The following LIFR variants were observed in gnomAD, a reference collection of about 807,000 sequenced individuals.
LIFR encodes the protein leukemia inhibitory factor receptor.
Under a neutral mutation model 122.2 loss-of-function variants are expected in LIFR, and 84 were observed. The ratio of observed to expected loss-of-function variants is 0.69; its 90% CI spans 0.58 to 0.82. LIFR has a LOEUF of 0.82. Ranked by LOEUF, LIFR falls within the 40% of genes least tolerant of loss-of-function variation. LIFR has a pLI of 0.00. For synonymous variants in LIFR, 422 were observed against 434.7 expected, an observed-to-expected ratio of 0.97 and a Z score of 0.36; for missense variants, 1,294 against 1,311.6, an observed-to-expected ratio of 0.99 and a Z score of 0.21.
At chr5:38,528,981 GTT>G (rs1246932957) in intron 2 of LIFR, 141 bp from the exon 3 acceptor site, 120 of 492,622 alleles carry the variant, frequency 2.4e-4, no homozygotes, top group Middle Eastern at 5.7e-4. Flanking sequence ...GAGAGCCCAT[GTT>G]TTTTTTTTTT....
At chr5:38,605,566 G>C (rs1054775334) in intron 2 of LIFR, among the ~76,000 whole-genome samples, 1 of 152,136 alleles carries the variant, frequency 6.6e-6, no homozygotes, top group African/African-American at 2.4e-5. Flanking sequence ...AAATCACAAA[G>C]CCAAAGGGAA....
At chr5:38,505,402 ACACACAC>A (rs1745417344) in intron 9 of LIFR, among the ~76,000 whole-genome samples, 1 of 11,110 alleles carries the variant, frequency 9.0e-5, no homozygotes, top group African/African-American at 7.0e-4. Flanking sequence ...GCATAGAACT[ACACACAC>A]ACACACACAC....
rs1743660092 is a variant in LIFR, at chr5:38,474,921, G to A, written c.*6674C>T. 1.3e-5 allele frequency: 2 copies of A among 157,754 alleles called. No homozygotes were observed. The highest frequency in any genetic ancestry group is 2.8e-5 in the Non-Finnish European group (2 of 71,552). The allele number at this position is 157,754 out of a possible 1,614,324, so 9.8% of individuals were successfully genotyped here. A position where few individuals can be genotyped will look rare whatever the true frequency, so the allele number is the denominator to read the frequency against. On this transcript the variant is annotated 3_prime_UTR_variant, in exon 20 of 20. Coordinates refer to ENST00000453190, the MANE Select transcript of LIFR (RefSeq NM_001127671.2). ...AAGCAGAGCCACTTCTCCTAAGTGTGTAACATGGGGAAAAACCCAATAATG... is the reference window on the plus strand; with the variant it reads ...AAGCAGAGCCACTTCTCCTAAGTGTATAACATGGGGAAAAACCCAATAATG...
At chr5:38,565,154 A>G (rs1484949219) in intron 1 of LIFR, among the ~76,000 whole-genome samples, 1 of 152,024 alleles carries the variant, frequency 6.6e-6, no homozygotes, top group Non-Finnish European at 1.5e-5. Context: ...TTAATACTTT[A>G]TCTTTAGAAA....
At position 38,544,536 on chromosome 5, in the gene LIFR, C is replaced by T. The variant is rs138523601; in HGVS notation, c.-20+11798G>A. ...ACTCACTTCCTCAGGAAGGCCTCTA[C>T]TCATCACCTAGAAAGGGGGACAATT... On this transcript the variant is annotated intron_variant, in intron 1 of 19. Transcript: ENST00000453190. Among the ~76,000 whole-genome samples the T allele has an allele frequency of 7.1e-3, 1,086 of 152,256 alleles. 18 individuals are homozygous for T. The highest frequency in any genetic ancestry group is 0.034 in the Admixed American group (515 of 15,290).
chr5:38,547,404 G>C (rs775268913), intron 1 of LIFR, among the ~76,000 whole-genome samples: 7 of 152,164 alleles, frequency 4.6e-5, no homozygotes, highest in Non-Finnish European at 1.0e-4. Flanking sequence ...TGACTTTGCT[G>C]TTGGTTACAC....
upstream of LIFR, among the ~76,000 whole-genome samples, chr5:38,559,635 C>A (rs1196867312): frequency 6.6e-6 from 1 of 152,116 alleles, no homozygotes; most frequent in Non-Finnish European, 1.5e-5. Context: ...ATACAACGAG[C>A]CTTATCTCCA....
At position 38,602,287 on chromosome 5, in the gene LIFR, A is replaced by G. The variant is rs74961810; in HGVS notation, n.305+3918T>C. ...TCTTGACATATACTCCTCTTTCTCT[A>G]TGTAGGCTTATTTACAGACATTTTC... is the stretch of plus-strand genomic sequence containing the variant. On this transcript the variant is annotated intron_variant and non_coding_transcript_variant, in intron 2 of 3. Coordinates refer to the LIFR transcript ENST00000507786. Among the ~76,000 whole-genome samples the G allele has an allele frequency of 6.5e-3, 988 of 152,296 alleles. 11 individuals are homozygous for G. The highest frequency in any genetic ancestry group is 0.023 in the African/African-American group (942 of 41,568).
intron 1 of LIFR, among the ~76,000 whole-genome samples, chr5:38,552,450 T>C (rs1333855347): frequency 1.3e-5 from 2 of 152,170 alleles, no homozygotes; most frequent in African/African-American, 4.8e-5. Context: ...AGAATAAAAG[T>C]ACCTACATAT....
In LIFR at chr5:38,586,225, A is replaced by G. The variant is rs182660649; in HGVS notation, c.-20+9036T>C. On this transcript the variant is annotated intron_variant, in intron 1 of 19. Transcript: ENST00000263409. ...AAACATCGGCTCTGACCCATGACAT[A>G]GCAACATTATGGCCTCGTTCCTTTA... Among the ~76,000 whole-genome samples the G allele has an allele frequency of 9.8e-5, 15 of 152,312 alleles. No homozygotes were observed. The South Asian group carries it at 1.2e-3, about 13-fold the overall frequency.
At chr5:38,588,859 T>C (rs571751582) in intron 1 of LIFR, among the ~76,000 whole-genome samples, 1 of 152,288 alleles carries the variant, frequency 6.6e-6, no homozygotes, top group South Asian at 2.1e-4. Flanking sequence ...ACTCTGAGCT[T>C]TTCATTATTT....
At chr5:38,486,452 G>A (rs181884962) in intron 16 of LIFR, among the ~76,000 whole-genome samples, 1 of 152,272 alleles carries the variant, frequency 6.6e-6, no homozygotes, top group Admixed American at 6.5e-5. Flanking sequence ...TCAGTGTGAT[G>A]GGGACTCTCA....
Position 38,589,154 on chromosome 5 carries a change from C to T in LIFR, c.-20+6107G>A, listed in dbSNP as rs895883374. On this transcript the variant is annotated intron_variant, in intron 1 of 19. Transcript: ENST00000263409. ...CTGGGACTACAGGCTCCTGCCACCA[C>T]GCCCAGCTAATTTTTATTTTTTTTT... 4.6e-5 allele frequency among the ~76,000 whole-genome samples: 7 copies of T among 151,828 alleles called. 1 individual carries two copies. Among genetic ancestry groups the T allele is most frequent in the Non-Finnish European group, 7.4e-5 (5 of 67,980 alleles).
At chr5:38,580,548 C>T (rs181605795) in intron 1 of LIFR, among the ~76,000 whole-genome samples, 2 of 152,296 alleles carry the variant, frequency 1.3e-5, no homozygotes, top group East Asian at 3.9e-4. Flanking sequence ...AATCTGCTAC[C>T]TGGCCTTCTG....
intron 1 of LIFR, among the ~76,000 whole-genome samples, chr5:38,565,488 G>T (rs1748989557): frequency 6.6e-6 from 1 of 152,098 alleles, no homozygotes; most frequent in East Asian, 1.9e-4. Flanking sequence ...GGTGGGAAGG[G>T]CAGACAGTGC....
intron 1 of LIFR, among the ~76,000 whole-genome samples, chr5:38,534,372 T>G (rs1747180975): frequency 6.6e-6 from 1 of 152,152 alleles, no homozygotes; most frequent in Non-Finnish European, 1.5e-5. Flanking sequence ...ACGAAAAACA[T>G]ACACTTGGCC....
intron 5 of LIFR, among the ~76,000 whole-genome samples, chr5:38,522,744 T>C (rs1257702085): frequency 6.6e-6 from 1 of 152,216 alleles, no homozygotes; most frequent in Non-Finnish European, 1.5e-5. Flanking sequence ...ATCTTTTTTA[T>C]TATCTTTACT....
intron 2 of LIFR, among the ~76,000 whole-genome samples, chr5:38,603,331 G>A (rs1438071628): frequency 2.0e-5 from 3 of 152,082 alleles, no homozygotes; most frequent in Admixed American, 6.5e-5. Context: ...AGACCTGTAC[G>A]GATTTGCCGC....
upstream of LIFR, chr5:38,557,753 A>G (rs1748662250): frequency 2.6e-5 from 4 of 154,212 alleles, no homozygotes; most frequent in Non-Finnish European, 4.4e-5. Context: ...CTGAAAGGAC[A>G]TTTACTGAAA....
Sources: gnomAD v4.1 joint callset for allele counts (sites outside exome capture counted in the v4.1 genomes callset) on GRCh38, gnomAD v4.1.1 for gene constraint, MANE v1.5 for transcripts, NCBI Gene and HGNC (gene_info 2026-07-23, HGNC 2026-07-21) for gene names.